Variants in CCND2 observed in about 807,000 individuals in gnomAD.
CCND2 encodes the protein cyclin D2, also known as G1/S-specific cyclin-D2.
Under a neutral mutation model 30.2 loss-of-function variants are expected in CCND2, and 6 were observed. The observed-to-expected ratio is 0.20, with a 90% CI of 0.11 to 0.39. The LOEUF is 0.39. CCND2 is among the 10% of genes least tolerant of loss of function. CCND2 has a pLI of 1.00. For missense variants in CCND2, 235 were observed against 373.4 expected (o/e 0.63, Z 3.06); for synonymous variants, 150 against 153.1 (o/e 0.98, Z 0.15).
In CCND2 at chr12:4,287,733, G is replaced by A. The variant is rs1864043208; in HGVS notation, c.572-1109G>A. Among the ~76,000 whole-genome samples the A allele has an allele frequency of 6.6e-6, 1 of 152,232 alleles. No homozygotes were observed. The highest frequency in any genetic ancestry group is 1.5e-5 in the Non-Finnish European group (1 of 68,044). ...GGGTAAATTAAACAGGACGTAATGT[G>A]TAGCGTACTGCATGTGGTGGTCATT... On this transcript the variant is annotated intron_variant, in intron 3 of 4. Transcript: ENST00000261254. The surrounding 1 kb of genome is among the most constrained non-coding windows in gnomAD (Gnocchi z 4.0).
rs1051933151 is a variant in CCND2, at chr12:4,285,618, C to T, written c.572-3224C>T. 1.9e-4 allele frequency: 31 copies of T among 165,576 alleles called. No individual in the cohort carries two copies. The highest frequency in any genetic ancestry group is 4.6e-4 in the Admixed American group (7 of 15,284). The allele number at this position is 165,576 out of a possible 1,614,324, so 10.3% of individuals were successfully genotyped here. ...CATGCATGCATGCAATTTGGTTTTC[C>T]GCTTCCTTCTTCTGAGTGGATATTG... On this transcript the variant is annotated intron_variant, in intron 3 of 4. Coordinates refer to ENST00000261254, the MANE Select transcript of CCND2 (RefSeq NM_001759.4). This position sits in a 1 kb window ranked among gnomAD's most constrained non-coding sequence, Gnocchi z 4.1.
chr12:4,298,068 C>A, intron 4 of CCND2: 1 of 215,290 alleles, frequency 4.6e-6, no homozygotes. Context: ...TATACATAAT[C>A]ACGATCATTT....
chr12:4,290,188 T>TCCTCGCCCGCCC (rs1864079510), intron 4 of CCND2, among the ~76,000 whole-genome samples: 2 of 152,230 alleles, frequency 1.3e-5, no homozygotes. Context: ...CTCGCCGGCC[T>TCCTCGCCCGCCC]CCTCGCCCGC....
chr12:4,304,664 C>T lies in CCND2; in HGVS notation c.*4655C>T, dbSNP rs1409763814. The T allele has an allele frequency of 2.1e-5, 5 of 233,600 alleles. No homozygotes were observed. Among genetic ancestry groups the T allele is most frequent in the Non-Finnish European group, 8.5e-6 (1 of 118,056 alleles). The allele number at this position is 233,600 out of a possible 1,614,324, so 14.5% of individuals were successfully genotyped here. A position where few individuals can be genotyped will look rare whatever the true frequency, so the allele number is the denominator to read the frequency against. ...CTCGGCTCAGGTTTTGAGAAGCCAT[C>T]AGCAAATGTGTACGTGCATGCTGTA... On this transcript the variant is annotated 3_prime_UTR_variant, in exon 5 of 5. Coordinates refer to ENST00000261254, the MANE Select transcript of CCND2 (RefSeq NM_001759.4). This position sits in a 1 kb window ranked among gnomAD's most constrained non-coding sequence, Gnocchi z 6.2.
intron 3 of CCND2, among the ~76,000 whole-genome samples, chr12:4,282,000 G>GCA (rs1863954408): frequency 6.6e-6 from 1 of 152,140 alleles, no homozygotes; most frequent in South Asian, 2.1e-4. Context: ...TAGCATTCCT[G>GCA]TTCCTGGAGT....
chr12:4,305,338 C>T lies in CCND2; in HGVS notation c.*5329C>T. ...TAGGTTATGCTATTTGGACAATAAA[C>T]TCACCTTGACCTAAATTATCTGGCC... On this transcript the variant is annotated 3_prime_UTR_variant, in exon 5 of 5. Transcript: ENST00000261254. The surrounding 1 kb of genome is among the most constrained non-coding windows in gnomAD (Gnocchi z 6.4). The T allele has an allele frequency of 4.5e-6, 1 of 221,808 alleles. No homozygotes were observed. Among genetic ancestry groups the T allele is most frequent in the Non-Finnish European group, 9.0e-6 (1 of 110,966 alleles). The allele number at this position is 221,808 out of a possible 1,614,324, so 13.7% of individuals were successfully genotyped here. A position where few individuals can be genotyped will look rare whatever the true frequency, so the allele number is the denominator to read the frequency against.
At chr12:4,294,118 T>C (rs1368204376) in intron 4 of CCND2, among the ~76,000 whole-genome samples, 1 of 152,084 alleles carries the variant, frequency 6.6e-6, no homozygotes, top group Admixed American at 6.5e-5. Flanking sequence ...GCAGTTACAC[T>C]GAGGGCTAAT....
chr12:4,300,162 A>G lies in CCND2; in HGVS notation c.*153A>G, dbSNP rs1234086283. The G allele has an allele frequency of 6.8e-6, 5 of 730,554 alleles. No individual in the cohort carries two copies. In the African/African-American group the frequency reaches 7.0e-5, roughly 10 times the overall value. The allele number at this position is 730,554 out of a possible 1,614,324, so 45.3% of individuals were successfully genotyped here. A position where few individuals can be genotyped will look rare whatever the true frequency, so the allele number is the denominator to read the frequency against. On this transcript the variant is annotated 3_prime_UTR_variant, in exon 5 of 5. Coordinates refer to ENST00000261254, the MANE Select transcript of CCND2 (RefSeq NM_001759.4). ...TTTAAAGATCTTTTAGAAGTGAGAG[A>G]AAAAGGTCCTACGAAAACGGAATAA...
chr12:4,299,666 G>C lies in CCND2; in HGVS notation c.721-194G>C, dbSNP rs542212234. Among the ~76,000 whole-genome samples the C allele has an allele frequency of 6.6e-6, 1 of 152,194 alleles. No homozygotes were observed. Among genetic ancestry groups the C allele is most frequent in the East Asian group, 1.9e-4 (1 of 5,204 alleles). Reference sequence around the variant, plus strand: ...CAACAAGCTCGCAGGTGATGCTGATGCTGCCAGCCCATGGACCCCACCTGG... The same window carrying C: ...CAACAAGCTCGCAGGTGATGCTGATCCTGCCAGCCCATGGACCCCACCTGG... On this transcript the variant is annotated intron_variant, in intron 4 of 4. Coordinates refer to ENST00000261254, the MANE Select transcript of CCND2 (RefSeq NM_001759.4). This position sits in a 1 kb window ranked among gnomAD's most constrained non-coding sequence, Gnocchi z 5.2.
At chr12:4,277,268 T>A (rs1863887742) in intron 2 of CCND2, among the ~76,000 whole-genome samples, 1 of 152,204 alleles carries the variant, frequency 6.6e-6, no homozygotes, top group Non-Finnish European at 1.5e-5. Context: ...CTGGGAGATC[T>A]GCTTCCTTTA....
At chr12:4,286,079 G>A (rs1591647265) in intron 3 of CCND2, among the ~76,000 whole-genome samples, 1 of 152,296 alleles carries the variant, frequency 6.6e-6, no homozygotes, top group East Asian at 1.9e-4. Context: ...CCTAAGCCAT[G>A]TAGGAAGAAA....
rs771117876 is a variant in CCND2 at position 4,274,040 on chromosome 12, C to T, written c.-1C>T. The stretch of plus-strand genomic sequence containing the variant: ...GAGGGAGAGGGGCCGCCGGGCTGGC[C>T]ATGGAGCTGCTGTGCCACGAGGTGG... On this transcript the variant is annotated 5_prime_UTR_variant, in exon 1 of 5. Transcript: ENST00000261254. The surrounding 1 kb of genome is among the most constrained non-coding windows in gnomAD (Gnocchi z 7.7). 6.2e-7 allele frequency: 1 copy of T among 1,610,064 alleles called. No individual in the cohort carries two copies. The highest frequency in any genetic ancestry group is 8.5e-7 in the Non-Finnish European group (1 of 1,178,250).
chr12:4,278,609 G>A (rs756621140), intron 2 of CCND2, 151 bp from the exon 3 acceptor site: 4 of 597,638 alleles, frequency 6.7e-6, no homozygotes, highest in Non-Finnish European at 1.2e-5. Context: ...AGCTTCAGGG[G>A]CACATTGACA....
chr12:4,297,880 C>A, intron 4 of CCND2: 1 of 448,918 alleles, frequency 2.2e-6, no homozygotes, highest in Non-Finnish European at 4.5e-6. Context: ...TTCAGGGTGG[C>A]ACGGAGACTC....
At position 4,304,642 on chromosome 12, in the gene CCND2, G is replaced by A. The variant is rs187282643; in HGVS notation, c.*4633G>A. 9 of 233,566 alleles carry A rather than the reference G, an allele frequency of 3.9e-5. No individual in the cohort carries two copies. Among genetic ancestry groups the A allele is most frequent in the African/African-American group, 1.8e-4 (8 of 45,406 alleles). The allele number at this position is 233,566 out of a possible 1,614,324, so 14.5% of individuals were successfully genotyped here. ...GGCTGGGCTATCAGACCCTATTCTC[G>A]GCTCAGGTTTTGAGAAGCCATCAGC... On this transcript the variant is annotated 3_prime_UTR_variant, in exon 5 of 5. Coordinates refer to ENST00000261254, the MANE Select transcript of CCND2 (RefSeq NM_001759.4). This position sits in a 1 kb window ranked among gnomAD's most constrained non-coding sequence, Gnocchi z 6.2.
chr12:4,283,082 A>G (rs558115901), intron 3 of CCND2, among the ~76,000 whole-genome samples: 14 of 152,330 alleles, frequency 9.2e-5, no homozygotes, highest in Non-Finnish European at 5.9e-5. Context: ...TGCTAAATGT[A>G]CTGGGCAGGA....
intron 4 of CCND2, among the ~76,000 whole-genome samples, chr12:4,297,148 G>A (rs1864180851): frequency 7.2e-6 from 1 of 138,266 alleles, no homozygotes; most frequent in South Asian, 2.6e-4. Context: ...TTCCACAGCA[G>A]TTCTGACCGT....
At chr12:4,290,781 A>G (rs1486491539) in intron 4 of CCND2, among the ~76,000 whole-genome samples, 1 of 152,198 alleles carries the variant, frequency 6.6e-6, no homozygotes, top group Non-Finnish European at 1.5e-5. Flanking sequence ...ACCGCAGGCA[A>G]GTCAGTCCGT....
chr12:4,288,359 A>G (rs1734748735), intron 3 of CCND2, among the ~76,000 whole-genome samples: 2 of 149,930 alleles, frequency 1.3e-5, no homozygotes, highest in South Asian at 4.2e-4. Context: ...ATCTCCTTGT[A>G]CTTTCCCTCC....
Sources: allele counts gnomAD v4.1 joint callset (sites outside exome capture counted in the v4.1 genomes callset), GRCh38; gene constraint gnomAD v4.1.1; non-coding constraint Gnocchi (gnomAD v3.1); transcripts MANE v1.5; gene names NCBI Gene and HGNC (gene_info 2026-07-23, HGNC 2026-07-21).